The following SELENON variants were observed in gnomAD, a reference collection of about 807,000 sequenced individuals.
The protein encoded by SELENON is selenoprotein N.
SELENON carries 44 observed loss-of-function variants against 59.5 expected under a neutral mutation model. The observed-to-expected ratio is 0.74, with a 90% CI of 0.58 to 0.95. SELENON has a LOEUF of 0.95. Among genes scored for constraint, SELENON ranks in the 40% least tolerant of loss-of-function variants. The probability of loss-of-function intolerance (pLI) is 0.00; values close to 1 mark genes in which losing one functional copy is unlikely to be tolerated. For synonymous variants in SELENON, 320 were observed against 305.6 expected (o/e 1.05, Z -0.49); for missense variants, 674 against 721.4 (o/e 0.93, Z 0.75).
intron 12 of SELENON, 79 bp from the exon 12 acceptor site, chr1:25,815,469 T>C: frequency 8.1e-7 from 1 of 1,238,678 alleles, no homozygotes; most frequent in Non-Finnish European, 1.2e-6. Context: ...GCATCCCTGC[T>C]TCTCCCCATA....
rs765368764 is a variant in SELENON, at chr1:25,815,680, G to A, written c.1735G>A (p.Glu579Lys). The A allele has an allele frequency of 9.3e-6, 15 of 1,614,050 alleles. No homozygotes were observed. The highest frequency in any genetic ancestry group is 1.6e-4 in the Middle Eastern group (1 of 6,082). The change falls in exon 13 of 13, where the codon GAG (glutamate) becomes AAG (lysine). Residue 579 changes from glutamate to lysine, a missense_variant. By Grantham distance (56) the Glu-to-Lys change is moderately conservative (BLOSUM62 1). Transcript: ENST00000361547. Reference sequence around the variant, plus strand: ...GGCCACCTACATGCAGTTCCTGAAGGAGGGACTCCGGCGTGGCCTGCCCCT... The same window carrying A: ...GGCCACCTACATGCAGTTCCTGAAGAAGGGACTCCGGCGTGGCCTGCCCCT...
Position 25,815,917 on chromosome 1 carries a change from C to T in SELENON, c.*199C>T, listed in dbSNP as rs1014794048. 5.1e-5 allele frequency: 30 copies of T among 593,350 alleles called. No individual in the cohort carries two copies. The highest frequency in any genetic ancestry group is 8.4e-5 in the Non-Finnish European group (28 of 333,120). The allele number at this position is 593,350 out of a possible 1,614,324, so 36.8% of individuals were successfully genotyped here. A position where few individuals can be genotyped will look rare whatever the true frequency, so the allele number is the denominator to read the frequency against. ...ACAAGGGATGCCTGGGCTGACTGGG[C>T]AGAGGAACCTCTAGCTCTGACTGTC... On this transcript the variant is annotated 3_prime_UTR_variant, in exon 13 of 13. Coordinates refer to ENST00000361547, the MANE Select transcript of SELENON (RefSeq NM_020451.3).
At chr1:25,808,998 G>C in intron 5 of SELENON, 28 bp from the exon 5 acceptor site, 1 of 1,613,268 alleles carries the variant, frequency 6.2e-7, no homozygotes, top group Middle Eastern at 1.7e-4. Context: ...GACCCAGCAA[G>C]CCAGTACGTG....
chr1:25,804,957 T>G (rs1399281207), intron 3 of SELENON, among the ~76,000 whole-genome samples, 185 bp from the exon 3 acceptor site: 1 of 152,138 alleles, frequency 6.6e-6, no homozygotes, highest in Non-Finnish European at 1.5e-5. Flanking sequence ...AATGTTATTA[T>G]CTGCCTCCCT....
In SELENON at chr1:25,817,726, G is replaced by A. The variant is rs1379895803; in HGVS notation, c.*2008G>A. ...CCAAAGTCTGCATCTGGATTTGGGG[G>A]TGTTTTTTGGCATGGCACCCTCACC... On this transcript the variant is annotated 3_prime_UTR_variant, in exon 13 of 13. Coordinates refer to ENST00000361547, the MANE Select transcript of SELENON (RefSeq NM_020451.3). 6.6e-6 allele frequency: 1 copy of A among 152,208 alleles called. No individual in the cohort carries two copies. The highest frequency in any genetic ancestry group is 1.5e-5 in the Non-Finnish European group (1 of 68,058). The allele number at this position is 152,208 out of a possible 1,614,324, so 9.4% of individuals were successfully genotyped here.
At chr1:25,801,189 G>C in intron 2 of SELENON, 29 bp downstream of exon 2, 1 of 1,579,376 alleles carries the variant, frequency 6.3e-7, no homozygotes, top group Middle Eastern at 1.7e-4. Context: ...GGCTGGGGAG[G>C]AGGGCGCCTT....
At chr1:25,812,555 C>G in intron 9 of SELENON, 132 bp from the exon 9 acceptor site, 1 of 567,742 alleles carries the variant, frequency 1.8e-6, no homozygotes, top group East Asian at 3.6e-5. Context: ...ATATATATGC[C>G]TACACACAAA....
At position 25,815,878 on chromosome 1, in the gene SELENON, A is replaced by G; in HGVS notation, c.*160A>G. ...GGGTGGCCACCACAGCCTTGGCTCCATGGTGGCGGGTAGACAAGGGATGCC... is the reference window on the plus strand; with the variant it reads ...GGGTGGCCACCACAGCCTTGGCTCCGTGGTGGCGGGTAGACAAGGGATGCC... On this transcript the variant is annotated 3_prime_UTR_variant, in exon 13 of 13. Transcript: ENST00000361547. 1 of 695,604 alleles carries G rather than the reference A, an allele frequency of 1.4e-6. No individual in the cohort carries two copies. The highest frequency in any genetic ancestry group is 2.4e-6 in the Non-Finnish European group (1 of 414,598). The allele number at this position is 695,604 out of a possible 1,614,324, so 43.1% of individuals were successfully genotyped here. A position where few individuals can be genotyped will look rare whatever the true frequency, so the allele number is the denominator to read the frequency against.
At position 25,812,803 on chromosome 1, in the gene SELENON, C is replaced by G. The variant is rs59653066; in HGVS notation, c.1387+11C>G. On this transcript the variant is annotated intron_variant, in intron 10 of 12. Coordinates refer to ENST00000361547, the MANE Select transcript of SELENON (RefSeq NM_020451.3). ...ACCAGTCCTGCTGAGGTGAGGGGCC[C>G]GGCTGGATCTAAGGGGAGCAGTGGG... 3.8e-6 allele frequency: 6 copies of G among 1,598,978 alleles called. No homozygotes were observed. Among genetic ancestry groups the G allele is most frequent in the South Asian group, 1.1e-5 (1 of 89,836 alleles).
chr1:25,815,506 GC>G (rs1450999558), intron 12 of SELENON, 41 bp from the exon 12 acceptor site: 5 of 1,600,320 alleles, frequency 3.1e-6, no homozygotes, highest in East Asian at 4.5e-5. Flanking sequence ...GAGCCTGGGG[GC>G]CCCCCTCCGC....
At position 25,808,675 on chromosome 1, in the gene SELENON, C is replaced by G; in HGVS notation, c.633C>G (p.Pro211=). The stretch of plus-strand genomic sequence containing the variant: ...CCCGCCACTTCCAGCCCTTCCTTCC[C>G]CCGCCAGGCCAGGAGCTGGGTGAGC... The change falls in exon 5 of 13, where the codon CCC becomes CCG. Residue 211 remains proline (P), a synonymous_variant. Transcript: ENST00000361547. 6.2e-7 allele frequency: 1 copy of G among 1,614,146 alleles called. No individual in the cohort carries two copies. The highest frequency in any genetic ancestry group is 1.1e-5 in the South Asian group (1 of 91,092).
In SELENON at chr1:25,815,703, C is replaced by T. The variant is rs902921670; in HGVS notation, c.1758C>T (p.Pro586=). ...AGGAGGGACTCCGGCGTGGCCTGCCCCTCCTCCAGCCCTAGAGTGCCTGGA... is the reference window on the plus strand; with the variant it reads ...AGGAGGGACTCCGGCGTGGCCTGCCTCTCCTCCAGCCCTAGAGTGCCTGGA... Residue 586 remains proline, a synonymous_variant, in exon 13 of 13, where the codon CCC becomes CCT. Transcript: ENST00000361547. 2 of 1,613,920 alleles carry T rather than the reference C, an allele frequency of 1.2e-6. No individual in the cohort carries two copies. The highest frequency in any genetic ancestry group is 1.7e-6 in the Non-Finnish European group (2 of 1,180,024).
rs1368760022 is a variant in SELENON at position 25,805,056 on chromosome 1, G to A, written c.404-86G>A. On this transcript the variant is annotated intron_variant, in intron 3 of 12. Transcript: ENST00000361547. The stretch of plus-strand genomic sequence containing the variant: ...CTACCCCCACCCCCTGCCTGGCTCC[G>A]TTAATCACCAGCTAGTGTGGATGAT... 3.9e-5 allele frequency: 62 copies of A among 1,583,082 alleles called. No individual in the cohort carries two copies. In the East Asian group the frequency reaches 6.5e-4, roughly 17 times the overall value.
chr1:25,801,915 C>A, intron 2 of SELENON: 1 of 208,192 alleles, frequency 4.8e-6, no homozygotes, highest in Admixed American at 5.6e-5. Context: ...GGTCCTGCAC[C>A]AGCTCACAGG....
chr1:25,813,144 T>C (rs1017754837), intron 10 of SELENON, among the ~76,000 whole-genome samples: 1 of 152,172 alleles, frequency 6.6e-6, no homozygotes, highest in Non-Finnish European at 1.5e-5. Flanking sequence ...CCGCATACAC[T>C]GTAAAGTGTT....
rs762382665 is a variant in SELENON at position 25,805,193 on chromosome 1, G to A, written c.455G>A (p.Ser152Asn). Residue 152 changes from serine to asparagine, a missense_variant, in exon 4 of 13, where the codon AGC becomes AAC. Transcript: ENST00000361547. ...GAGGAGGAGTTGCCCCCTGACCCTAGCGAGGAGACGCTCACCATAGAAGCC... is the reference window on the plus strand; with the variant it reads ...GAGGAGGAGTTGCCCCCTGACCCTAACGAGGAGACGCTCACCATAGAAGCC... The A allele has an allele frequency of 6.2e-7, 1 of 1,614,134 alleles. No individual in the cohort carries two copies. Among genetic ancestry groups the A allele is most frequent in the Non-Finnish European group, 8.5e-7 (1 of 1,180,032 alleles).
rs2047847109 is a variant in SELENON, at chr1:25,800,224, C to T, written c.-7C>T. The T allele has an allele frequency of 8.3e-6, 6 of 720,760 alleles. No individual in the cohort carries two copies. The highest frequency in any genetic ancestry group is 1.3e-4 in the East Asian group (1 of 7,528). 44.6% of individuals were successfully genotyped at this position (720,760 alleles called of 1,614,324 possible). On this transcript the variant is annotated 5_prime_UTR_variant, in exon 1 of 13. Coordinates refer to ENST00000361547, the MANE Select transcript of SELENON (RefSeq NM_020451.3). ...CGGGCCGCCGGCAGCCGCCGCCAGC[C>T]GCAGCCATGGGCCGGGCCCGGCCGG...
intron 3 of SELENON, among the ~76,000 whole-genome samples, chr1:25,803,891 C>T (rs1572229159): frequency 6.6e-6 from 1 of 151,896 alleles, no homozygotes; most frequent in Non-Finnish European, 1.5e-5. Flanking sequence ...TTAGTAGAGA[C>T]GGGGTTTCAT....
chr1:25,807,224 G>C lies in SELENON; in HGVS notation c.538-1356G>C, dbSNP rs559398634. Among the ~76,000 whole-genome samples the C allele has an allele frequency of 6.6e-6, 1 of 152,150 alleles. No individual in the cohort carries two copies. Among genetic ancestry groups the C allele is most frequent in the African/African-American group, 2.4e-5 (1 of 41,426 alleles). ...GAGCTCACAGGGAAGGGCATTGCCC[G>C]TTTTGGGTCCTGTTTACTTGCCGTC... is the stretch of plus-strand genomic sequence containing the variant. On this transcript the variant is annotated intron_variant, in intron 4 of 12. Transcript: ENST00000361547. The surrounding 1 kb of genome is among the most constrained non-coding windows in gnomAD (Gnocchi z 4.5).
Sources: gnomAD v4.1 joint callset for allele counts (sites outside exome capture counted in the v4.1 genomes callset) on GRCh38, gnomAD v4.1.1 for gene constraint, Gnocchi (gnomAD v3.1) non-coding constraint, MANE v1.5 for transcripts, NCBI Gene and HGNC (gene_info 2026-07-23, HGNC 2026-07-21) for gene names.